Variants in DOCK4 observed in about 807,000 individuals in gnomAD.
The protein encoded by DOCK4 is dedicator of cytokinesis 4, also known as dedicator of cytokinesis protein 4.
DOCK4 carries 97 observed loss-of-function variants against 268.1 expected under a neutral mutation model. The observed-to-expected ratio is 0.36, with a 90% CI of 0.31 to 0.43. DOCK4 has a LOEUF of 0.43. Among genes scored for constraint, DOCK4 ranks in the 20% least tolerant of loss-of-function variants. The probability of loss-of-function intolerance (pLI) is 1.00; values close to 1 mark genes in which losing one functional copy is unlikely to be tolerated. For synonymous variants in DOCK4, 954 were observed against 887.2 expected (o/e 1.08, Z -1.34); for missense variants, 2,145 against 2,455.7 (o/e 0.87, Z 2.67).
intron 8 of DOCK4, among the ~76,000 whole-genome samples, chr7:111,956,687 C>G (rs1347379285): frequency 1.3e-5 from 2 of 152,170 alleles, no homozygotes; most frequent in Non-Finnish European, 2.9e-5. Context: ...TTTCTTTTCT[C>G]TTGCAACATG....
intron 16 of DOCK4, among the ~76,000 whole-genome samples, chr7:111,883,413 C>T (rs975987485): frequency 2.0e-5 from 3 of 151,020 alleles, no homozygotes; most frequent in African/African-American, 4.8e-5. Context: ...AGCCCAGACA[C>T]TCTGTCCTGC....
intron 8 of DOCK4, among the ~76,000 whole-genome samples, chr7:111,946,117 A>G (rs1165766163): frequency 6.6e-6 from 1 of 152,220 alleles, no homozygotes; most frequent in East Asian, 1.9e-4. Flanking sequence ...AAAAGAGAAA[A>G]ATATGACATA....
At chr7:112,130,025 C>T (rs1033131169) in intron 1 of DOCK4, among the ~76,000 whole-genome samples, 2 of 152,182 alleles carry the variant, frequency 1.3e-5, no homozygotes, top group East Asian at 3.8e-4. Flanking sequence ...GGGCCTTGAA[C>T]ACATCTAGAC....
chr7:111,961,949 G>A (rs903025960), intron 8 of DOCK4, among the ~76,000 whole-genome samples: 1 of 151,980 alleles, frequency 6.6e-6, no homozygotes, highest in Admixed American at 6.6e-5. Context: ...ATTTTAAGCA[G>A]GTAATTCATT....
chr7:111,978,979 G>T (rs1798406437), intron 7 of DOCK4, among the ~76,000 whole-genome samples: 2 of 152,044 alleles, frequency 1.3e-5, no homozygotes, highest in South Asian at 4.1e-4. Flanking sequence ...ACCTCTTTTG[G>T]ATCACTTTGA....
intron 25 of DOCK4, among the ~76,000 whole-genome samples, chr7:111,837,399 TAGTC>T (rs1344254423): frequency 2.6e-5 from 4 of 152,194 alleles, no homozygotes; most frequent in Non-Finnish European, 4.4e-5. Context: ...CTGAAGGTTT[TAGTC>T]AGTGCAATAA....
chr7:111,824,955 C>G (rs1282549610), intron 26 of DOCK4, among the ~76,000 whole-genome samples: 3 of 152,078 alleles, frequency 2.0e-5, no homozygotes, highest in Non-Finnish European at 4.4e-5. Context: ...ACATATTCAA[C>G]AGTAGAAACC....
At chr7:111,729,159 G>C (rs1407119526) in intron 52 of DOCK4, among the ~76,000 whole-genome samples, 1 of 152,226 alleles carries the variant, frequency 6.6e-6, no homozygotes, top group Non-Finnish European at 1.5e-5. Context: ...TCAAATTTGA[G>C]TGTTGTCCTT....
intron 25 of DOCK4, chr7:111,840,796 T>A: frequency 7.6e-7 from 1 of 1,321,554 alleles, no homozygotes; most frequent in Non-Finnish European, 9.9e-7. Context: ...CTTTTCCATA[T>A]GTGTCTGCAC....
Position 111,863,504 on chromosome 7 carries a change from G to C in DOCK4, c.2341C>G (p.Arg781Gly). ...TCCTGGACCAAGTTGGCTACTTCCC[G>C]GACATCAAAGAGCTTCAACAGTTCT... is the stretch of plus-strand genomic sequence containing the variant. ...YSELLKLFDV[R>G]EVANLVQDTL... is the part of the protein sequence containing the mutation. The change falls in exon 23 of 53, where the codon CGG becomes GGG. Residue 781 changes from arginine (R) to glycine (G), a missense_variant. By Grantham distance (125) the Arg-to-Gly change is moderately radical (BLOSUM62 -2). Around this residue, in one of 2 missense-constraint regions of DOCK4, gnomAD observed 1,598 missense variants for 1,986.7 expected, o/e 0.80. Transcript: ENST00000428084. The C allele has an allele frequency of 1.9e-6, 3 of 1,613,744 alleles. No homozygotes were observed. Among genetic ancestry groups the C allele is most frequent in the East Asian group, 2.2e-5 (1 of 44,876 alleles).
At chr7:111,911,670 G>A (rs138043997) in intron 13 of DOCK4, among the ~76,000 whole-genome samples, 177 of 152,294 alleles carry the variant, frequency 1.2e-3, no homozygotes, top group African/African-American at 3.9e-3. Context: ...CAAAAGCTGC[G>A]TGAGCACAGC....
intron 1 of DOCK4, among the ~76,000 whole-genome samples, chr7:112,071,925 T>A (rs982612627): frequency 3.3e-5 from 5 of 152,226 alleles, no homozygotes; most frequent in African/African-American, 1.2e-4. Context: ...AAACTCCAGA[T>A]TCCTCCTCTA....
intron 13 of DOCK4, among the ~76,000 whole-genome samples, chr7:111,906,792 G>C (rs1791614974): frequency 6.6e-6 from 1 of 152,142 alleles, no homozygotes; most frequent in Non-Finnish European, 1.5e-5. Context: ...TGGGTCATGA[G>C]CCAAGGAGTG....
intron 42 of DOCK4, among the ~76,000 whole-genome samples, chr7:111,753,015 G>GA (rs3055472): frequency 2.3e-5 from 3 of 130,188 alleles, no homozygotes; most frequent in Non-Finnish European, 5.0e-5. Context: ...TGGGGGGGGG[G>GA]TCTGTGATTT....
At chr7:111,903,555 TTTA>T (rs374080856) in intron 13 of DOCK4, among the ~76,000 whole-genome samples, 2 of 152,360 alleles carry the variant, frequency 1.3e-5, no homozygotes, top group African/African-American at 4.8e-5. Flanking sequence ...ACATTTTATG[TTTA>T]TTAGACTTTC....
rs1340361578 is a variant in DOCK4 at position 111,998,508 on chromosome 7, A to G, written c.163-5T>C. On this transcript the variant is annotated splice_region_variant and splice_polypyrimidine_tract_variant and intron_variant, in intron 3 of 52. Coordinates refer to ENST00000428084, the MANE Select transcript of DOCK4 (RefSeq NM_001363540.2). ...GTAGCTGGAAGGAAATATACCCTGG[A>G]AAAGAAAACATGAAGGTTACGATGC... 4.4e-6 allele frequency: 7 copies of G among 1,582,480 alleles called. No individual in the cohort carries two copies. The African/African-American group carries it at 5.4e-5, about 12-fold the overall frequency.
At chr7:112,183,947 G>T (rs1819269015) in intron 1 of DOCK4, among the ~76,000 whole-genome samples, 2 of 151,986 alleles carry the variant, frequency 1.3e-5, no homozygotes, top group South Asian at 4.1e-4. Context: ...CTCAATTCAG[G>T]TATCATCTTC....
chr7:112,039,129 G>C (rs1245410217), intron 1 of DOCK4, among the ~76,000 whole-genome samples: 1 of 152,122 alleles, frequency 6.6e-6, no homozygotes, highest in African/African-American at 2.4e-5. Flanking sequence ...TTCCGGCTCA[G>C]TGAATCTCCA....
intron 1 of DOCK4, among the ~76,000 whole-genome samples, chr7:112,134,719 TAAAGAAAG>T (rs770709975): frequency 1.3e-5 from 2 of 151,760 alleles, no homozygotes; most frequent in Non-Finnish European, 1.5e-5. Context: ...CCATCTCAAA[TAAAGAAAG>T]AAAGAAACAA....
Sources: gnomAD v4.1 joint callset for allele counts (sites outside exome capture counted in the v4.1 genomes callset) on GRCh38, gnomAD v4.1.1 for gene constraint, gnomAD v4.1.1 regional missense constraint, MANE v1.5 for transcripts, NCBI Gene and HGNC (gene_info 2026-07-23, HGNC 2026-07-21) for gene names.